PLGRKT: variants seen among roughly 807,000 people sequenced by gnomAD.
PLGRKT encodes plasminogen receptor with a C-terminal lysine.
PLGRKT carries 22 observed loss-of-function variants against 18.5 expected under a neutral mutation model. That is an observed-to-expected ratio of 1.19 (90% CI 0.85 to 1.70). PLGRKT has a LOEUF of 1.70. Ranked by LOEUF, PLGRKT falls within the 40% of genes most tolerant of loss-of-function variation. The probability of loss-of-function intolerance (pLI) is 0.00; values close to 1 mark genes in which losing one functional copy is unlikely to be tolerated. For missense variants in PLGRKT, 235 were observed against 174.4 expected (o/e 1.35, Z -1.96); for synonymous variants, 72 against 52.8 (o/e 1.36, Z -1.58).
chr9:5,401,092 T>G (rs1293423208), intron 3 of PLGRKT, among the ~76,000 whole-genome samples: 1 of 151,910 alleles, frequency 6.6e-6, no homozygotes, highest in African/African-American at 2.4e-5. Context: ...CTGCTGGCCT[T>G]AATTATTACT....
chr9:5,398,381 T>C (rs4008397), intron 3 of PLGRKT, among the ~76,000 whole-genome samples: 3 of 151,900 alleles, frequency 2.0e-5, no homozygotes, highest in Admixed American at 6.5e-5. Context: ...ATAAAAACAA[T>C]GACAACCGAT....
intron 5 of PLGRKT, among the ~76,000 whole-genome samples, chr9:5,358,980 A>C (rs1418529197): frequency 1.3e-5 from 2 of 152,222 alleles, no homozygotes; most frequent in Non-Finnish European, 2.9e-5. Context: ...ATTGTATTAC[A>C]GTACATGTTT....
At chr9:5,428,774 T>C (rs1256247916) in intron 3 of PLGRKT, among the ~76,000 whole-genome samples, 4 of 152,204 alleles carry the variant, frequency 2.6e-5, no homozygotes, top group African/African-American at 9.6e-5. Flanking sequence ...CACAGCTCAC[T>C]GCAGCCTTGA....
intron 3 of PLGRKT, among the ~76,000 whole-genome samples, chr9:5,395,061 T>C (rs1485567164): frequency 1.4e-5 from 2 of 147,256 alleles, no homozygotes; most frequent in Non-Finnish European, 3.0e-5. Context: ...AACATTACAC[T>C]CAAAATATTA....
chr9:5,410,749 C>T (rs778515008), intron 3 of PLGRKT, among the ~76,000 whole-genome samples: 5 of 152,112 alleles, frequency 3.3e-5, no homozygotes, highest in Non-Finnish European at 5.9e-5. Flanking sequence ...AAACGTTTCA[C>T]TTCTAGTACA....
Position 5,424,666 on chromosome 9 carries a change from T to TA in PLGRKT, c.81+7230_81+7231insT, listed in dbSNP as rs1491528499. 4.0e-4 allele frequency among the ~76,000 whole-genome samples: 41 copies of TA among 103,212 alleles called. 2 individuals are homozygous for TA. The East Asian group carries it at 7.4e-3, about 19-fold the overall frequency. 67.7% of individuals were successfully genotyped at this position (103,212 alleles called of 152,430 possible). A position where few individuals can be genotyped will look rare whatever the true frequency, so the allele number is the denominator to read the frequency against. On this transcript the variant is annotated intron_variant, in intron 3 of 5. Coordinates refer to ENST00000223864, the MANE Select transcript of PLGRKT (RefSeq NM_018465.4). ...ACATTATATATAATATAATTATATA[T>TA]TTTATATATATATATATATATATAT...
chr9:5,382,418 G>A (rs911996625), intron 3 of PLGRKT, among the ~76,000 whole-genome samples: 8 of 152,228 alleles, frequency 5.3e-5, no homozygotes, highest in South Asian at 4.1e-4. Flanking sequence ...TTAGCCAGGT[G>A]AGGGGAGATA....
chr9:5,401,269 C>T (rs1417071504), intron 3 of PLGRKT, among the ~76,000 whole-genome samples: 7 of 148,786 alleles, frequency 4.7e-5, no homozygotes, highest in Non-Finnish European at 1.5e-5. Flanking sequence ...AGAAAGGCAA[C>T]AAGAATTTTA....
At position 5,433,833 on chromosome 9, in the gene PLGRKT, G is replaced by C. The variant is rs141859463; in HGVS notation, c.-6-1850C>G. Among the ~76,000 whole-genome samples, 144 of 108,280 alleles carry C rather than the reference G, an allele frequency of 1.3e-3. 10 individuals carry two copies. The East Asian group carries it at 0.035, about 26-fold the overall frequency. The allele number at this position is 108,280 out of a possible 152,430, so 71.0% of individuals were successfully genotyped here. A position where few individuals can be genotyped will look rare whatever the true frequency, so the allele number is the denominator to read the frequency against. ...GGAAGTGAGGAGCGTCTCTGCCTGA[G>C]CGCCCATCATCTGGGATGTGAGGAG... On this transcript the variant is annotated intron_variant, in intron 2 of 5. Coordinates refer to ENST00000223864, the MANE Select transcript of PLGRKT (RefSeq NM_018465.4).
At chr9:5,408,440 C>T (rs888087977) in intron 3 of PLGRKT, among the ~76,000 whole-genome samples, 3 of 152,212 alleles carry the variant, frequency 2.0e-5, no homozygotes, top group East Asian at 1.9e-4. Context: ...TGATGATTTA[C>T]GGTATCTGGT....
At position 5,397,628 on chromosome 9, in the gene PLGRKT, G is replaced by C. The variant is rs533897279; in HGVS notation, c.81+34269C>G. On this transcript the variant is annotated intron_variant, in intron 3 of 5. Coordinates refer to ENST00000223864, the MANE Select transcript of PLGRKT (RefSeq NM_018465.4). ...AAGGAGGAAGAAAAGGGAGGGAAGA[G>C]GGGAGAGAGGGAAGAAGGAAGCAAG... Among the ~76,000 whole-genome samples, 174 of 151,060 alleles carry C rather than the reference G, an allele frequency of 1.2e-3. 2 individuals carry two copies. Among genetic ancestry groups the C allele is most frequent in the African/African-American group, 4.2e-3 (171 of 40,564 alleles).
chr9:5,371,486 G>A (rs532025932), intron 3 of PLGRKT, among the ~76,000 whole-genome samples: 2 of 152,210 alleles, frequency 1.3e-5, no homozygotes, highest in South Asian at 2.1e-4. Flanking sequence ...AGGGGTTTCC[G>A]CTTTCGCTTC....
chr9:5,414,173 TTTTG>T (rs573274821), intron 3 of PLGRKT, among the ~76,000 whole-genome samples: 167 of 152,292 alleles, frequency 1.1e-3, no homozygotes, highest in Admixed American at 3.1e-3. Context: ...AGTGTATCTT[TTTTG>T]TTTGTTTAAG....
At chr9:5,400,960 G>T (rs1439894832) in intron 3 of PLGRKT, among the ~76,000 whole-genome samples, 1 of 151,874 alleles carries the variant, frequency 6.6e-6, no homozygotes, top group Non-Finnish European at 1.5e-5. Flanking sequence ...GGGGTGTTGG[G>T]AAACTTTATC....
intron 3 of PLGRKT, among the ~76,000 whole-genome samples, chr9:5,389,261 G>A (rs915846599): frequency 1.3e-5 from 2 of 151,926 alleles, no homozygotes; most frequent in African/African-American, 4.9e-5. Context: ...CAGCAGGGGG[G>A]ATGCTTGGTC....
intron 3 of PLGRKT, among the ~76,000 whole-genome samples, chr9:5,415,650 G>C (rs1586736836): frequency 6.6e-6 from 1 of 152,150 alleles, no homozygotes; most frequent in Non-Finnish European, 1.5e-5. Flanking sequence ...TCAACTTCAT[G>C]TATCCTCTGA....
chr9:5,383,637 G>C (rs903824570), intron 3 of PLGRKT, among the ~76,000 whole-genome samples: 5 of 152,160 alleles, frequency 3.3e-5, no homozygotes, highest in Admixed American at 2.6e-4. Flanking sequence ...ATGGGAGATA[G>C]TGACAGGTCA....
intron 2 of PLGRKT, among the ~76,000 whole-genome samples, chr9:5,435,049 G>A (rs902347485): frequency 2.0e-5 from 3 of 151,826 alleles, no homozygotes; most frequent in African/African-American, 7.3e-5. Flanking sequence ...AACATGTGCT[G>A]TGTCAACTCA....
chr9:5,420,822 A>T (rs1485741681), intron 3 of PLGRKT, among the ~76,000 whole-genome samples: 2 of 152,322 alleles, frequency 1.3e-5, no homozygotes, highest in East Asian at 3.9e-4. Context: ...TTCCTATTTC[A>T]AGATGTTGGT....
Sources: allele counts gnomAD v4.1 joint callset (sites outside exome capture counted in the v4.1 genomes callset), GRCh38; gene constraint gnomAD v4.1.1; transcripts MANE v1.5; gene names NCBI Gene and HGNC (gene_info 2026-07-23, HGNC 2026-07-21).